Variants in DGAT1 observed in about 807,000 individuals in gnomAD.
DGAT1 encodes ACAT related gene product 1.
DGAT1 carries 60 observed loss-of-function variants against 72.6 expected under a neutral mutation model. That is an observed-to-expected ratio of 0.83 (90% confidence interval 0.67 to 1.02). The LOEUF (loss-of-function observed/expected upper bound fraction) is 1.02. DGAT1 is among the 50% of genes least tolerant of loss of function. DGAT1 has a pLI of 0.00. For synonymous variants in DGAT1, 290 were observed against 267.5 expected (o/e 1.08, Z -0.82); for missense variants, 592 against 670.0 (o/e 0.88, Z 1.29).
Position 144,326,527 on chromosome 8 carries a change from C to CACCTCCTCTTCCGCCG in DGAT1, c.109_110insCGGCGGAAGAGGAGGT (p.Gly37AlafsTer48). On this transcript the variant is annotated frameshift_variant, in exon 1 of 17. Transcript: ENST00000528718. LOFTEE classifies it high-confidence loss of function. ...GTCCCCCGCGGCTCCCACGTCGGGGCCCGCAGCGGCGTCCCGCACCTCCTC... is the reference window on the plus strand; with the variant it reads ...GTCCCCCGCGGCTCCCACGTCGGGGCACCTCCTCTTCCGCCGCCGCAGCGGCGTCCCGCACCTCCTC... The CACCTCCTCTTCCGCCG allele has an allele frequency of 7.9e-7, 1 of 1,269,470 alleles. No individual in the cohort carries two copies. Among genetic ancestry groups the CACCTCCTCTTCCGCCG allele is most frequent in the South Asian group, 2.7e-5 (1 of 37,452 alleles). 78.6% of individuals were successfully genotyped at this position (1,269,470 alleles called of 1,614,324 possible). A position where few individuals can be genotyped will look rare whatever the true frequency, so the allele number is the denominator to read the frequency against.
rs551528448 is a variant in DGAT1, at chr8:144,320,579, G to A, written c.288+742C>T. 5.3e-5 allele frequency among the ~76,000 whole-genome samples: 8 copies of A among 152,288 alleles called. No individual in the cohort carries two copies. In the East Asian group the frequency reaches 1.2e-3, roughly 22 times the overall value. ...GCCACATCAGCCCTGAGTTGGGGAG[G>A]CTGGGCCCAGATAGCCCTTGTCCCC... On this transcript the variant is annotated intron_variant, in intron 2 of 16. Transcript: ENST00000528718.
chr8:144,322,453 C>A (rs1197044071), intron 1 of DGAT1, among the ~76,000 whole-genome samples: 1 of 152,126 alleles, frequency 6.6e-6, no homozygotes, highest in Admixed American at 6.5e-5. Flanking sequence ...GAGAGTGGGC[C>A]TGAGAGCCAT....
intron 15 of DGAT1, 30 bp from the exon 16 acceptor site, chr8:144,316,945 G>C (rs782542784): frequency 6.2e-7 from 1 of 1,612,520 alleles, no homozygotes; most frequent in Non-Finnish European, 8.5e-7. Flanking sequence ...GGATGCCAGG[G>C]AGTGGGGTGT....
In DGAT1 at chr8:144,316,380, C is replaced by T. The variant is rs1323024366; in HGVS notation, c.*174G>A. 2.3e-5 allele frequency: 19 copies of T among 814,650 alleles called. No individual in the cohort carries two copies. Among genetic ancestry groups the T allele is most frequent in the African/African-American group, 1.6e-4 (9 of 57,760 alleles). 50.5% of individuals were successfully genotyped at this position (814,650 alleles called of 1,614,324 possible). A position where few individuals can be genotyped will look rare whatever the true frequency, so the allele number is the denominator to read the frequency against. On this transcript the variant is annotated 3_prime_UTR_variant, in exon 17 of 17. Coordinates refer to ENST00000528718, the MANE Select transcript of DGAT1 (RefSeq NM_012079.6). ...CATCAGACTGTGTCTGGCCTGCTGT[C>T]GCCATCCCTGAGGGGTGCAGGACAG... is the stretch of plus-strand genomic sequence containing the variant.
At position 144,318,561 on chromosome 8, in the gene DGAT1, G is replaced by T. The variant is rs1554847670; in HGVS notation, c.474C>A (p.Ala158=). 1 of 1,611,948 alleles carries T rather than the reference G, an allele frequency of 6.2e-7. No homozygotes were observed. Among genetic ancestry groups the T allele is most frequent in the Admixed American group, 1.7e-5 (1 of 59,906 alleles). The change falls in exon 6 of 17, where the codon GCC becomes GCA. Residue 158 remains alanine (A), a synonymous_variant. Coordinates refer to ENST00000528718, the MANE Select transcript of DGAT1 (RefSeq NM_012079.6). ...FQVEKRLAVG[A]LTEQAGLLLH... ...GCAGCAGTCCCGCCTGCTCCGTCAG[G>T]GCACCCTGGAGTGGGGAGCAGAGCA...
At chr8:144,324,651 CCAG>C (rs1219561719) in intron 1 of DGAT1, among the ~76,000 whole-genome samples, 1 of 152,196 alleles carries the variant, frequency 6.6e-6, no homozygotes, top group Non-Finnish European at 1.5e-5. Flanking sequence ...CCATCCCACA[CCAG>C]CAGAAGTACA....
Position 144,316,441 on chromosome 8 carries a change from G to C in DGAT1, c.*113C>G. On this transcript the variant is annotated 3_prime_UTR_variant, in exon 17 of 17. Coordinates refer to ENST00000528718, the MANE Select transcript of DGAT1 (RefSeq NM_012079.6). ...GGGCAGAGAGGCCTCCCTGGGACCA[G>C]AGGAGGATGCTGTGCAGCCAGGCCC... The C allele has an allele frequency of 7.6e-7, 1 of 1,319,840 alleles. No homozygotes were observed. Among genetic ancestry groups the C allele is most frequent in the Non-Finnish European group, 1.0e-6 (1 of 978,966 alleles). 81.8% of individuals were successfully genotyped at this position (1,319,840 alleles called of 1,614,324 possible). A position where few individuals can be genotyped will look rare whatever the true frequency, so the allele number is the denominator to read the frequency against.
rs1330268436 is a variant in DGAT1 at position 144,315,580 on chromosome 8, A to G, written c.*974T>C. 2.0e-6 allele frequency: 2 copies of G among 985,326 alleles called. No individual in the cohort carries two copies. The highest frequency in any genetic ancestry group is 3.5e-5 in the African/African-American group (2 of 57,176). The allele number at this position is 985,326 out of a possible 1,614,324, so 61.0% of individuals were successfully genotyped here. On this transcript the variant is annotated 3_prime_UTR_variant, in exon 17 of 17. Transcript: ENST00000528718. The stretch of plus-strand genomic sequence containing the variant: ...CAGCAGGGCCCTGGGGTTACCCCTG[A>G]CCTCCCGCTACCATCAAGGGGGGCC...
Position 144,317,404 on chromosome 8 carries a change from G to C in DGAT1, c.1023C>G (p.Leu341=). Residue 341 remains leucine, a synonymous_variant, in exon 13 of 17, where the codon CTC becomes CTG. Coordinates refer to ENST00000528718, the MANE Select transcript of DGAT1 (RefSeq NM_012079.6). ...HLIWLIFFYW[L]FHSCLNAVAE... is the part of the protein sequence containing the mutation. ...CCACGGCATTCAGGCAGGAGTGGAA[G>C]AGCCAGTAGAAGAAGATGAGCCAGA... The C allele has an allele frequency of 6.2e-7, 1 of 1,613,924 alleles. No individual in the cohort carries two copies. The highest frequency in any genetic ancestry group is 8.5e-7 in the Non-Finnish European group (1 of 1,180,012).
chr8:144,317,889 G>A, intron 9 of DGAT1, 25 bp downstream of exon 9: 1 of 1,549,602 alleles, frequency 6.5e-7, no homozygotes, highest in Non-Finnish European at 8.7e-7. Context: ...AGCCTCCAGT[G>A]GCTGCCCCCA....
In DGAT1 at chr8:144,321,329, C is replaced by T; in HGVS notation, c.280G>A (p.Val94Met). Residue 94 changes from valine to methionine, a missense_variant, in exon 2 of 17, where the codon GTG becomes ATG. Coordinates refer to ENST00000528718, the MANE Select transcript of DGAT1 (RefSeq NM_012079.6). ...CACCATGTCCCACTCACCAGCATCA[C>T]CACACACCAGTTCAGGATGCCACGG... ...NYRGILNWCV[V>M]MLILSNARLF... is the part of the protein sequence containing the mutation. 2 of 1,613,978 alleles carry T rather than the reference C, an allele frequency of 1.2e-6. No individual in the cohort carries two copies. The highest frequency in any genetic ancestry group is 1.7e-6 in the Non-Finnish European group (2 of 1,179,928).
rs782082318 is a variant in DGAT1, at chr8:144,317,830, G to T, written c.856-8C>A. 1 of 1,610,392 alleles carries T rather than the reference G, an allele frequency of 6.2e-7. No individual in the cohort carries two copies. Among genetic ancestry groups the T allele is most frequent in the South Asian group, 1.1e-5 (1 of 90,748 alleles). Reference sequence around the variant, plus strand: ...GAGCTGGGTGAAGAACAGCTGGGGGGGAAACAGAGAGCAGCCAGCTGAGGC... The same window carrying T: ...GAGCTGGGTGAAGAACAGCTGGGGGTGAAACAGAGAGCAGCCAGCTGAGGC... On this transcript the variant is annotated splice_region_variant and splice_polypyrimidine_tract_variant and intron_variant, in intron 9 of 16. Coordinates refer to ENST00000528718, the MANE Select transcript of DGAT1 (RefSeq NM_012079.6).
At position 144,314,739 on chromosome 8, in the gene DGAT1, C is replaced by T. The variant is rs1817121207; in HGVS notation, c.*1815G>A. 1 of 236,186 alleles carries T rather than the reference C, an allele frequency of 4.2e-6. No homozygotes were observed. The highest frequency in any genetic ancestry group is 7.8e-6 in the Non-Finnish European group (1 of 127,934). The allele number at this position is 236,186 out of a possible 1,614,324, so 14.6% of individuals were successfully genotyped here. ...TCTATGCTATGGCCTCCATGTGTTT[C>T]CTCTGTCCCAGGGTGGTGCGGTGGG... On this transcript the variant is annotated 3_prime_UTR_variant, in exon 17 of 17. Transcript: ENST00000528718.
chr8:144,318,135 G>A lies in DGAT1; in HGVS notation c.711C>T (p.Ala237=), dbSNP rs781929904. 1 of 1,561,492 alleles carries A rather than the reference G, an allele frequency of 6.4e-7. No homozygotes were observed. The highest frequency in any genetic ancestry group is 1.4e-5 in the African/African-American group (1 of 73,452). The change falls in exon 8 of 17, where the codon GCC becomes GCT. Residue 237 remains alanine, a synonymous_variant. Coordinates refer to ENST00000528718, the MANE Select transcript of DGAT1 (RefSeq NM_012079.6). The part of the protein sequence containing the change: ...SAGKKASSAA[A]PHTVSYPDNL... ...TGTCCGGGTAGCTCACGGTGTGCGG[G>A]GCAGCAGCACTGCTGGCCTTCTTCC...
chr8:144,315,564 C>T lies in DGAT1; in HGVS notation c.*990G>A, dbSNP rs1817173013. ...CAGCAAGGTAAGGCAGCAGCAGGGC[C>T]CTGGGGTTACCCCTGACCTCCCGCT... On this transcript the variant is annotated 3_prime_UTR_variant, in exon 17 of 17. Transcript: ENST00000528718. 1.0e-6 allele frequency: 1 copy of T among 985,538 alleles called. No homozygotes were observed. The highest frequency in any genetic ancestry group is 6.1e-5 in the Admixed American group (1 of 16,278). The allele number at this position is 985,538 out of a possible 1,614,324, so 61.0% of individuals were successfully genotyped here. A position where few individuals can be genotyped will look rare whatever the true frequency, so the allele number is the denominator to read the frequency against.
chr8:144,314,872 G>A lies in DGAT1; in HGVS notation c.*1682C>T, dbSNP rs1356738932. ...AGCTCCGTGCCTGCCCGACTCCCCA[G>A]GACCAGCATGTGCTTGCAGTTCTTT... On this transcript the variant is annotated 3_prime_UTR_variant, in exon 17 of 17. Transcript: ENST00000528718. The A allele has an allele frequency of 2.0e-6, 2 of 984,912 alleles. No homozygotes were observed. The highest frequency in any genetic ancestry group is 2.4e-6 in the Non-Finnish European group (2 of 828,210). 61.0% of individuals were successfully genotyped at this position (984,912 alleles called of 1,614,324 possible). A position where few individuals can be genotyped will look rare whatever the true frequency, so the allele number is the denominator to read the frequency against.
chr8:144,318,686 G>C lies in DGAT1; in HGVS notation c.468+13C>G. The C allele has an allele frequency of 6.2e-7, 1 of 1,608,864 alleles. No homozygotes were observed. Among genetic ancestry groups the C allele is most frequent in the East Asian group, 2.2e-5 (1 of 44,690 alleles). On this transcript the variant is annotated intron_variant, in intron 5 of 16. Coordinates refer to ENST00000528718, the MANE Select transcript of DGAT1 (RefSeq NM_012079.6). Reference sequence around the variant, plus strand: ...CAGGGTGAGCACACACGGAGGTGAGGGGCACTGCTTACCACCGCCAGGCGC... The same window carrying C: ...CAGGGTGAGCACACACGGAGGTGAGCGGCACTGCTTACCACCGCCAGGCGC...
chr8:144,325,541 T>G (rs1338895533), intron 1 of DGAT1, among the ~76,000 whole-genome samples: 1 of 152,154 alleles, frequency 6.6e-6, no homozygotes, highest in Non-Finnish European at 1.5e-5. Flanking sequence ...AACAAAGCCC[T>G]GAGGGCCCCT....
rs1433887356 is a variant in DGAT1, at chr8:144,315,085, G to C, written c.*1469C>G. The C allele has an allele frequency of 3.0e-6, 3 of 985,366 alleles. No individual in the cohort carries two copies. In the African/African-American group the frequency reaches 5.2e-5, roughly 17 times the overall value. 61.0% of individuals were successfully genotyped at this position (985,366 alleles called of 1,614,324 possible). On this transcript the variant is annotated 3_prime_UTR_variant, in exon 17 of 17. Transcript: ENST00000528718. Reference sequence around the variant, plus strand: ...ACGGGAGCCTGTCCCGTAGCTTTAGGGTTCTCCACTCAGCCTGGTGGAGGA... The same window carrying C: ...ACGGGAGCCTGTCCCGTAGCTTTAGCGTTCTCCACTCAGCCTGGTGGAGGA...
Sources: gnomAD v4.1 joint callset for allele counts (sites outside exome capture counted in the v4.1 genomes callset) on GRCh38, gnomAD v4.1.1 for gene constraint, MANE v1.5 for transcripts, NCBI Gene and HGNC (gene_info 2026-07-23, HGNC 2026-07-21) for gene names.